The following LAMA3 variants were observed in gnomAD, a reference collection of about 807,000 sequenced individuals.
LAMA3 encodes the protein laminin subunit alpha-3.
LAMA3 carries 281 observed loss-of-function variants against 402.0 expected under a neutral mutation model. The ratio of observed to expected loss-of-function variants is 0.70; its 90% confidence interval spans 0.63 to 0.77. LAMA3 has a LOEUF of 0.77. Ranked by LOEUF, LAMA3 falls within the 30% of genes least tolerant of loss-of-function variation. The pLI, the probability that LAMA3 is intolerant of heterozygous loss-of-function variation, is 0.00. For missense variants in LAMA3, 3,840 were observed against 4,215.5 expected (o/e 0.91, Z 2.47); for synonymous variants, 1,431 against 1,558.4 (o/e 0.92, Z 1.93).
chr18:23,842,061 G>T (rs192404750), intron 27 of LAMA3, among the ~76,000 whole-genome samples: 1 of 152,146 alleles, frequency 6.6e-6, no homozygotes, highest in Non-Finnish European at 1.5e-5. Context: ...TGGGTTATGT[G>T]TTCAACTTTG....
chr18:23,862,345 T>A (rs1248914371), intron 35 of LAMA3, among the ~76,000 whole-genome samples: 1 of 152,176 alleles, frequency 6.6e-6, no homozygotes, highest in African/African-American at 2.4e-5. Flanking sequence ...AGAGTTATTA[T>A]GCCAGAGGCT....
At chr18:23,710,686 A>G (rs2060974948) in intron 1 of LAMA3, among the ~76,000 whole-genome samples, 1 of 152,184 alleles carries the variant, frequency 6.6e-6, no homozygotes, top group Admixed American at 6.5e-5. Context: ...TAAGGTAAAA[A>G]TTACTGAAAG....
intron 38 of LAMA3, among the ~76,000 whole-genome samples, chr18:23,873,851 C>T (rs1312837790): frequency 6.6e-6 from 1 of 152,110 alleles, no homozygotes; most frequent in Non-Finnish European, 1.5e-5. Context: ...CATAAAACAT[C>T]ATCATGTTAA....
At chr18:23,912,934 G>C in intron 56 of LAMA3, 53 bp downstream of exon 56, 2 of 1,536,086 alleles carry the variant, frequency 1.3e-6, no homozygotes, top group East Asian at 4.5e-5. Context: ...TTTTCGAGAG[G>C]TGTGCTTTTG....
chr18:23,715,619 T>C (rs1393875607), intron 2 of LAMA3, among the ~76,000 whole-genome samples: 1 of 152,182 alleles, frequency 6.6e-6, no homozygotes, highest in African/African-American at 2.4e-5. Context: ...ATGATAGAGA[T>C]AGCAACATGC....
intron 41 of LAMA3, among the ~76,000 whole-genome samples, chr18:23,888,252 A>G (rs937863591): frequency 6.6e-6 from 1 of 152,236 alleles, no homozygotes; most frequent in Admixed American, 6.5e-5. Context: ...TAGGGGATAC[A>G]TGGGCCTTCT....
intron 5 of LAMA3, among the ~76,000 whole-genome samples, chr18:23,753,178 C>G (rs1443716597): frequency 6.6e-6 from 1 of 152,204 alleles, no homozygotes; most frequent in African/African-American, 2.4e-5. Flanking sequence ...TGACTCTAGC[C>G]TTTTTGACCC....
intron 12 of LAMA3, 52 bp downstream of exon 12, chr18:23,784,209 C>T (rs747134666): frequency 6.8e-6 from 11 of 1,607,340 alleles, no homozygotes; most frequent in Non-Finnish European, 9.4e-6. Flanking sequence ...AGATAAATTT[C>T]CTCCTGAGGA....
At chr18:23,847,418 A>T (rs2063840625) in intron 31 of LAMA3, 46 bp from the exon 32 acceptor site, 1 of 1,590,458 alleles carries the variant, frequency 6.3e-7, no homozygotes, top group Non-Finnish European at 8.5e-7. Context: ...GCTGGAGCCC[A>T]GGCGGCCTTT....
At chr18:23,747,164 A>T (rs893819327) in intron 2 of LAMA3, among the ~76,000 whole-genome samples, 1 of 152,156 alleles carries the variant, frequency 6.6e-6, no homozygotes, top group Admixed American at 6.5e-5. Flanking sequence ...ACCGTGTTCA[A>T]TGTCGTACCA....
intron 12 of LAMA3, among the ~76,000 whole-genome samples, chr18:23,804,856 T>C (rs2062932058): frequency 6.6e-6 from 1 of 152,118 alleles, no homozygotes; most frequent in East Asian, 1.9e-4. Flanking sequence ...CTACCTTGCT[T>C]CTGTTCTTGC....
chr18:23,784,676 GA>G lies in LAMA3; in HGVS notation c.1603+521del, dbSNP rs143607347. ...GTATCCCATCCCGGCAAGGGTCGCT[GA>G]AGGGGGGATGGAAGGTGGGAGGAGG... On this transcript the variant is annotated intron_variant, in intron 12 of 74. Coordinates refer to ENST00000313654, the MANE Select transcript of LAMA3 (RefSeq NM_198129.4). 6.9e-3 allele frequency among the ~76,000 whole-genome samples: 1,044 copies of G among 152,260 alleles called. 17 individuals carry two copies. Among genetic ancestry groups the G allele is most frequent in the African/African-American group, 0.022 (929 of 41,540 alleles).
intron 1 of LAMA3, among the ~76,000 whole-genome samples, chr18:23,706,552 C>T (rs1436448486): frequency 2.6e-5 from 4 of 152,152 alleles, no homozygotes; most frequent in East Asian, 1.9e-4. Context: ...TGATGGTGAA[C>T]ATTTCTTGAA....
At chr18:23,771,719 A>T (rs2062202928) in intron 8 of LAMA3, among the ~76,000 whole-genome samples, 1 of 152,190 alleles carries the variant, frequency 6.6e-6, no homozygotes, top group Non-Finnish European at 1.5e-5. Context: ...AGAGGAATGG[A>T]TGGATGGATA....
At chr18:23,691,357 TA>T (rs2060584544) in intron 1 of LAMA3, among the ~76,000 whole-genome samples, 1 of 152,140 alleles carries the variant, frequency 6.6e-6, no homozygotes, top group African/African-American at 2.4e-5. Context: ...AAAATATTTT[TA>T]CCATATTTAT....
rs760141112 is a variant in LAMA3 at position 23,912,795 on chromosome 18, T to C, written c.7243T>C (p.Ser2415Pro). 2.8e-5 allele frequency: 45 copies of C among 1,613,822 alleles called. No homozygotes were observed. The highest frequency in any genetic ancestry group is 3.8e-5 in the Non-Finnish European group (45 of 1,179,694). ...CCTGGAAGATTTGAAAGGATATACATCTCTGTCCTTGTTTCTCCAAAGGCC... is the reference window on the plus strand; with the variant it reads ...CCTGGAAGATTTGAAAGGATATACACCTCTGTCCTTGTTTCTCCAAAGGCC... Reference protein sequence around the residue: ...NDLEDLKGYTSLSLFLQRPNS... With the variant: ...NDLEDLKGYTPLSLFLQRPNS... The change falls in exon 56 of 75, where the codon TCT (serine) becomes CCT (proline). Residue 2415 changes from serine (S) to proline (P), a missense_variant. By Grantham distance (74) the Ser-to-Pro change is moderately conservative. This residue lies in a region of LAMA3 where 891 missense variants were observed against 857.5 expected (regional missense o/e 1.04). Transcript: ENST00000313654.
intron 1 of LAMA3, among the ~76,000 whole-genome samples, chr18:23,707,108 C>G (rs1047699422): frequency 1.3e-5 from 2 of 152,108 alleles, no homozygotes; most frequent in African/African-American, 2.4e-5. Context: ...ACAGTTTTTT[C>G]TCTCACAATT....
At position 23,834,383 on chromosome 18, in the gene LAMA3, G is replaced by C. The variant is rs896095984; in HGVS notation, c.2984+395G>C. ...GACTCATTCTCAGTAATGTTAGGGG[G>C]TGCACACCTACCTTTGCAACACACC... On this transcript the variant is annotated intron_variant, in intron 24 of 74. Coordinates refer to ENST00000313654, the MANE Select transcript of LAMA3 (RefSeq NM_198129.4). The C allele has an allele frequency of 2.1e-5, 5 of 236,906 alleles. No homozygotes were observed. The East Asian group carries it at 5.3e-4, about 25-fold the overall frequency. 14.7% of individuals were successfully genotyped at this position (236,906 alleles called of 1,614,324 possible).
intron 2 of LAMA3, among the ~76,000 whole-genome samples, chr18:23,736,571 T>C (rs1006205321): frequency 3.3e-5 from 5 of 152,052 alleles, no homozygotes; most frequent in Admixed American, 2.0e-4. Context: ...TGTTACAAAT[T>C]AGAATTCTCC....
Sources: allele counts gnomAD v4.1 joint callset (sites outside exome capture counted in the v4.1 genomes callset), GRCh38; gene constraint gnomAD v4.1.1; regional missense constraint gnomAD v4.1.1; transcripts MANE v1.5; gene names NCBI Gene and HGNC (gene_info 2026-07-23, HGNC 2026-07-21).